The following MAP3K7 variants were observed in gnomAD, a reference collection of about 807,000 sequenced individuals.
MAP3K7 encodes TGF-beta activated kinase 1.
MAP3K7 carries 21 observed loss-of-function variants against 84.8 expected under a neutral mutation model. That is an observed-to-expected ratio of 0.25 (90% CI 0.18 to 0.36). MAP3K7 has a LOEUF of 0.36. Among genes scored for constraint, MAP3K7 ranks in the 10% least tolerant of loss-of-function variants. MAP3K7 has a pLI of 1.00. For missense variants in MAP3K7, 503 were observed against 747.7 expected (o/e 0.67, Z 3.82); for synonymous variants, 241 against 247.7 (o/e 0.97, Z 0.25).
intron 1 of MAP3K7, among the ~76,000 whole-genome samples, chr6:90,574,531 T>C (rs142952742): frequency 6.6e-6 from 1 of 152,210 alleles, no homozygotes; most frequent in Admixed American, 6.5e-5. Flanking sequence ...TACCTATTGA[T>C]ATTACTATTA....
chr6:90,536,636 T>C (rs907406250), intron 12 of MAP3K7: 6 of 485,716 alleles, frequency 1.2e-5, no homozygotes, highest in African/African-American at 1.2e-4. Context: ...TACAACAGAG[T>C]ATGTCCTAAT....
chr6:90,550,812 T>C (rs1182823216), intron 8 of MAP3K7: 2 of 290,862 alleles, frequency 6.9e-6, no homozygotes, highest in African/African-American at 4.4e-5. Flanking sequence ...AATAAAATAG[T>C]ATCATTTCTC....
Position 90,516,355 on chromosome 6 carries a change from C to T in MAP3K7, c.*146G>A. 1.3e-6 allele frequency: 1 copy of T among 758,676 alleles called. No homozygotes were observed. Among genetic ancestry groups the T allele is most frequent in the Non-Finnish European group, 2.2e-6 (1 of 457,506 alleles). 47.0% of individuals were successfully genotyped at this position (758,676 alleles called of 1,614,324 possible). On this transcript the variant is annotated 3_prime_UTR_variant, in exon 17 of 17. Transcript: ENST00000369329. Reference sequence around the variant, plus strand: ...TCCACCATGAGAAAAGGAAAATAAACAATGAAAAAAATGCAGCAAATATAG... The same window carrying T: ...TCCACCATGAGAAAAGGAAAATAAATAATGAAAAAAATGCAGCAAATATAG...
chr6:90,523,797 T>A lies in MAP3K7; in HGVS notation c.1357-14A>T. 7.0e-7 allele frequency: 1 copy of A among 1,420,644 alleles called. No homozygotes were observed. Among genetic ancestry groups the A allele is most frequent in the East Asian group, 2.3e-5 (1 of 43,916 alleles). 88.0% of individuals were successfully genotyped at this position (1,420,644 alleles called of 1,614,324 possible). ...CCTACTGCTCACCTACAGGAAGAAG[T>A]CACAGGAGAAACAAAATGTGATTTT... On this transcript the variant is annotated splice_polypyrimidine_tract_variant and intron_variant, in intron 13 of 16. Coordinates refer to ENST00000369329, the MANE Select transcript of MAP3K7 (RefSeq NM_145331.3).
chr6:90,560,102 T>A lies in MAP3K7; in HGVS notation c.456A>T (p.Leu152=), dbSNP rs1201456806. 2 of 1,614,160 alleles carry A rather than the reference T, an allele frequency of 1.2e-6. No individual in the cohort carries two copies. The highest frequency in any genetic ancestry group is 1.7e-6 in the Non-Finnish European group (2 of 1,180,018). The change falls in exon 5 of 17, where the codon CTA becomes CTT. Residue 152 remains leucine, a synonymous_variant. Coordinates refer to ENST00000369329, the MANE Select transcript of MAP3K7 (RefSeq NM_145331.3). ...AYLHSMQPKA[L]IHRDLKPPNL... Reference sequence around the variant, plus strand: ...TTGGTGGTTTCAGGTCCCTGTGAATTAGCGCTTTGGGTTGCATGCTGTGAA... The same window carrying A: ...TTGGTGGTTTCAGGTCCCTGTGAATAAGCGCTTTGGGTTGCATGCTGTGAA...
chr6:90,550,382 AT>A lies in MAP3K7; in HGVS notation c.949+85del, dbSNP rs372420067. ...AAGGAATTAAAATGCAAATGGGGAC[AT>A]TATTCATTACTTCTTGATTATAATT... On this transcript the variant is annotated intron_variant, in intron 9 of 16. Transcript: ENST00000369329. The A allele has an allele frequency of 2.0e-4, 167 of 851,958 alleles. 1 individual carries two copies. The African/African-American group carries it at 2.5e-3, about 13-fold the overall frequency. The allele number at this position is 851,958 out of a possible 1,614,324, so 52.8% of individuals were successfully genotyped here. A position where few individuals can be genotyped will look rare whatever the true frequency, so the allele number is the denominator to read the frequency against.
intron 1 of MAP3K7, 57 bp downstream of exon 1, chr6:90,586,707 G>T (rs1582256833): frequency 2.6e-6 from 4 of 1,543,002 alleles, no homozygotes; most frequent in East Asian, 2.5e-5. Context: ...CCGGCACCAG[G>T]CAGAGGCGGG....
At chr6:90,573,433 G>A (rs992753376) in intron 1 of MAP3K7, among the ~76,000 whole-genome samples, 1 of 152,114 alleles carries the variant, frequency 6.6e-6, no homozygotes, top group African/African-American at 2.4e-5. Context: ...AATAATATTA[G>A]GACACTAGTT....
chr6:90,541,040 A>T (rs1297093857), intron 12 of MAP3K7, among the ~76,000 whole-genome samples: 1 of 151,866 alleles, frequency 6.6e-6, no homozygotes, highest in Non-Finnish European at 1.5e-5. Flanking sequence ...AAAATATGGG[A>T]AAAAGTAAAG....
chr6:90,549,553 AT>A (rs1466518543), intron 9 of MAP3K7, among the ~76,000 whole-genome samples: 2 of 152,184 alleles, frequency 1.3e-5, no homozygotes, highest in Non-Finnish European at 1.5e-5. Context: ...CAAAAGAATT[AT>A]AATAGTTGAT....
intron 14 of MAP3K7, among the ~76,000 whole-genome samples, chr6:90,523,443 A>C (rs539387076): frequency 2.0e-5 from 3 of 152,142 alleles, no homozygotes; most frequent in Non-Finnish European, 4.4e-5. Flanking sequence ...CCAAACAGAC[A>C]ATCTTTAAAA....
At chr6:90,555,981 A>T (rs911727652) in intron 6 of MAP3K7, among the ~76,000 whole-genome samples, 1 of 152,250 alleles carries the variant, frequency 6.6e-6, no homozygotes, top group East Asian at 1.9e-4. Flanking sequence ...GGCCATTTTA[A>T]GTAGCAAAAT....
chr6:90,576,102 G>C (rs947845214), intron 1 of MAP3K7, among the ~76,000 whole-genome samples: 4 of 152,068 alleles, frequency 2.6e-5, no homozygotes, highest in Admixed American at 1.3e-4. Flanking sequence ...GCAGCTCCAG[G>C]CTGGGCAGTT....
In MAP3K7 at chr6:90,523,710, C is replaced by T. The variant is rs183005565; in HGVS notation, c.1430G>A (p.Arg477Gln). ...TSGPTSEKPTRSHPWTPDDST... is the reference protein window; with the variant it reads ...TSGPTSEKPTQSHPWTPDDST... Reference sequence around the variant, plus strand: ...ATCATCAGGGGTCCATGGATGACTTCGAGTTGGCTTTTCTGAGGTTGGTCC... The same window carrying T: ...ATCATCAGGGGTCCATGGATGACTTTGAGTTGGCTTTTCTGAGGTTGGTCC... Residue 477 changes from arginine (R) to glutamine (Q), a missense_variant, in exon 14 of 17, where the codon CGA becomes CAA. By Grantham distance (43) the Arg-to-Gln change is conservative. Coordinates refer to ENST00000369329, the MANE Select transcript of MAP3K7 (RefSeq NM_145331.3). The T allele has an allele frequency of 9.3e-6, 15 of 1,613,382 alleles. No homozygotes were observed. Among genetic ancestry groups the T allele is most frequent in the Middle Eastern group, 1.7e-4 (1 of 6,054 alleles).
intron 3 of MAP3K7, among the ~76,000 whole-genome samples, chr6:90,567,144 T>C (rs941962860): frequency 6.9e-4 from 105 of 152,282 alleles, no homozygotes; most frequent in African/African-American, 2.3e-3. Context: ...ATTCAGGACA[T>C]AGGCATGGGC....
intron 14 of MAP3K7, among the ~76,000 whole-genome samples, 164 bp from the exon 15 acceptor site, chr6:90,519,483 TA>T (rs1318985421): frequency 7.2e-5 from 11 of 151,860 alleles, no homozygotes; most frequent in Non-Finnish European, 1.2e-4. Flanking sequence ...TTCTAAAGGT[TA>T]AAAAAAGGAT....
intron 1 of MAP3K7, among the ~76,000 whole-genome samples, chr6:90,574,637 T>A (rs1777012399): frequency 1.3e-5 from 2 of 152,224 alleles, no homozygotes; most frequent in Admixed American, 1.3e-4. Context: ...TTCTTTCATT[T>A]CTTCCATTTT....
At chr6:90,532,979 G>A (rs1479025808) in intron 13 of MAP3K7, among the ~76,000 whole-genome samples, 1 of 152,144 alleles carries the variant, frequency 6.6e-6, no homozygotes, top group African/African-American at 2.4e-5. Flanking sequence ...TTTGCAATCA[G>A]GTCTGGATTC....
At chr6:90,533,225 A>G (rs2127962890) in intron 13 of MAP3K7, among the ~76,000 whole-genome samples, 1 of 152,338 alleles carries the variant, frequency 6.6e-6, no homozygotes, top group South Asian at 2.1e-4. Flanking sequence ...TGATTTGGGC[A>G]TAAGTCTGAT....
Sources: gnomAD v4.1 joint callset for allele counts (sites outside exome capture counted in the v4.1 genomes callset) on GRCh38, gnomAD v4.1.1 for gene constraint, MANE v1.5 for transcripts, NCBI Gene and HGNC (gene_info 2026-07-23, HGNC 2026-07-21) for gene names.